The following BTBD9 variants were observed in gnomAD, a reference collection of about 807,000 sequenced individuals.
BTBD9 encodes the protein BTB/POZ domain-containing protein 9.
In BTBD9, 49 loss-of-function variants were observed where a neutral mutation model predicts 64.3. The observed-to-expected ratio is 0.76, with a 90% CI of 0.61 to 0.97. The LOEUF (loss-of-function observed/expected upper bound fraction) is 0.97, where lower values mean the gene tolerates loss of function less well. Among genes scored for constraint, BTBD9 ranks in the 50% least tolerant of loss-of-function variants. The probability of loss-of-function intolerance (pLI) is 0.00; values close to 1 mark genes in which losing one functional copy is unlikely to be tolerated. For missense variants in BTBD9, 598 were observed against 762.1 expected (o/e 0.78, Z 2.53); for synonymous variants, 260 against 274.7 (o/e 0.95, Z 0.53).
chr6:38,375,891 A>AAAAGAAAGAAAGAAAGAAAGAAAGAAAG (rs70981544), intron 6 of BTBD9, among the ~76,000 whole-genome samples: 6 of 122,378 alleles, frequency 4.9e-5, no homozygotes, highest in East Asian at 2.3e-4. Flanking sequence ...AGAAAGAAAG[A>AAAAGAAAGAAAGAAAGAAAGAAAGAAAG]AAAGAAAGAA....
At chr6:38,491,590 TG>T (rs1367911285) in intron 6 of BTBD9, among the ~76,000 whole-genome samples, 2 of 152,216 alleles carry the variant, frequency 1.3e-5, no homozygotes, top group Admixed American at 6.5e-5. Context: ...GGAAATGTTA[TG>T]TCCTAATTTA....
intron 7 of BTBD9, among the ~76,000 whole-genome samples, chr6:38,336,115 C>T (rs1763882857): frequency 6.6e-6 from 1 of 152,064 alleles, no homozygotes; most frequent in Admixed American, 6.6e-5. Flanking sequence ...GCTGAGAACC[C>T]TAGAAGGGAA....
At chr6:38,402,794 T>A (rs536274079) in intron 6 of BTBD9, 1 of 699,700 alleles carries the variant, frequency 1.4e-6, no homozygotes, top group Non-Finnish European at 2.6e-6. Context: ...TCAGCAAGAC[T>A]TGGTGGCTCA....
intron 6 of BTBD9, among the ~76,000 whole-genome samples, chr6:38,370,349 C>T (rs1320281895): frequency 6.6e-6 from 1 of 152,186 alleles, no homozygotes; most frequent in Non-Finnish European, 1.5e-5. Flanking sequence ...CTCCAAAAAA[C>T]ATAAAACAGA....
intron 10 of BTBD9, among the ~76,000 whole-genome samples, chr6:38,177,697 G>A (rs766990403): frequency 3.9e-5 from 6 of 152,120 alleles, no homozygotes; most frequent in Admixed American, 3.9e-4. Context: ...CCGACCTGTC[G>A]GTGCCCTGGT....
intron 6 of BTBD9, among the ~76,000 whole-genome samples, chr6:38,558,565 T>C (rs1391752034): frequency 6.6e-6 from 1 of 152,188 alleles, no homozygotes; most frequent in Non-Finnish European, 1.5e-5. Context: ...TTGAGGTATG[T>C]TCTTTTGATG....
At chr6:38,232,163 A>T (rs141620287) in intron 9 of BTBD9, among the ~76,000 whole-genome samples, 1 of 152,194 alleles carries the variant, frequency 6.6e-6, no homozygotes, top group Non-Finnish European at 1.5e-5. Context: ...AAAACAGGAC[A>T]AAGTGAGGGC....
At chr6:38,496,672 A>T (rs1771975536) in intron 6 of BTBD9, among the ~76,000 whole-genome samples, 2 of 148,678 alleles carry the variant, frequency 1.3e-5, no homozygotes, top group African/African-American at 5.1e-5. Context: ...AAAAAAAAAA[A>T]GAGAGAGAGA....
chr6:38,412,555 A>C (rs1332720087), intron 6 of BTBD9, among the ~76,000 whole-genome samples: 2 of 151,324 alleles, frequency 1.3e-5, no homozygotes, highest in Non-Finnish European at 2.9e-5. Flanking sequence ...TTTGGACTAC[A>C]TTAAAAAAAA....
intron 8 of BTBD9, among the ~76,000 whole-genome samples, chr6:38,265,643 A>C (rs1407841198): frequency 1.3e-5 from 2 of 151,864 alleles, no homozygotes; most frequent in African/African-American, 4.8e-5. Context: ...TCAGCCTCCC[A>C]AGTAGCTGAG....
chr6:38,434,952 T>C (rs929214156), intron 6 of BTBD9, among the ~76,000 whole-genome samples: 2 of 151,768 alleles, frequency 1.3e-5, no homozygotes, highest in African/African-American at 2.4e-5. Flanking sequence ...CCCAACACTT[T>C]GGGAGGCCGA....
chr6:38,254,686 G>A (rs750581427), intron 9 of BTBD9, among the ~76,000 whole-genome samples: 5 of 152,168 alleles, frequency 3.3e-5, no homozygotes, highest in Non-Finnish European at 5.9e-5. Flanking sequence ...AGCCATGAGG[G>A]AAATGCACAT....
intron 6 of BTBD9, among the ~76,000 whole-genome samples, chr6:38,400,372 G>GTCTC (rs1021311519): frequency 6.6e-5 from 10 of 152,128 alleles, no homozygotes; most frequent in African/African-American, 2.4e-4. Flanking sequence ...TAGGCTTAGT[G>GTCTC]TCTCAATCTA....
At chr6:38,182,016 A>C (rs1761579162) in intron 10 of BTBD9, among the ~76,000 whole-genome samples, 1 of 152,082 alleles carries the variant, frequency 6.6e-6, no homozygotes, top group African/African-American at 2.4e-5. Flanking sequence ...AACACAACAA[A>C]AAACAAAACT....
At chr6:38,275,229 C>G (rs1037987166) in intron 8 of BTBD9, among the ~76,000 whole-genome samples, 1 of 151,852 alleles carries the variant, frequency 6.6e-6, no homozygotes, top group Non-Finnish European at 1.5e-5. Context: ...ACAAACCTGA[C>G]AAAAACAAGC....
intron 7 of BTBD9, among the ~76,000 whole-genome samples, chr6:38,325,319 G>C (rs1562025949): frequency 6.6e-6 from 1 of 152,060 alleles, no homozygotes; most frequent in Non-Finnish European, 1.5e-5. Context: ...TAAAAGAGAA[G>C]GTATTGCATG....
intron 6 of BTBD9, among the ~76,000 whole-genome samples, chr6:38,383,329 ACACT>A (rs1478317983): frequency 2.0e-5 from 3 of 152,328 alleles, no homozygotes; most frequent in East Asian, 1.9e-4. Flanking sequence ...AATTTAACAA[ACACT>A]CAGCAAACCA....
At chr6:38,386,848 G>A (rs9470865) in intron 6 of BTBD9, among the ~76,000 whole-genome samples, 56,353 of 151,706 alleles carry the variant, frequency 0.37, 12,775 homozygotes, top group East Asian at 0.84. Context: ...TCACCATGCT[G>A]CCCAGGCTGC....
At chr6:38,351,022 G>T (rs1764483114) in intron 6 of BTBD9, among the ~76,000 whole-genome samples, 1 of 152,184 alleles carries the variant, frequency 6.6e-6, no homozygotes, top group South Asian at 2.1e-4. Flanking sequence ...GACTGGAGGG[G>T]GTGTGACTTC....
Sources: gnomAD v4.1 joint callset for allele counts (sites outside exome capture counted in the v4.1 genomes callset) on GRCh38, gnomAD v4.1.1 for gene constraint, MANE v1.5 for transcripts, NCBI Gene and HGNC (gene_info 2026-07-23, HGNC 2026-07-21) for gene names.